The following CAMK1D variants were observed in gnomAD, a reference collection of about 807,000 sequenced individuals.
CAMK1D encodes calcium/calmodulin dependent protein kinase ID.
In CAMK1D, 9 loss-of-function variants were observed where a neutral mutation model predicts 47.7. The ratio of observed to expected loss-of-function variants is 0.19; its 90% CI spans 0.11 to 0.33. CAMK1D has a LOEUF of 0.33. Among genes scored for constraint, CAMK1D ranks in the 10% least tolerant of loss-of-function variants. The probability of loss-of-function intolerance (pLI) is 1.00; values close to 1 mark genes in which losing one functional copy is unlikely to be tolerated. For synonymous variants in CAMK1D, 184 were observed against 184.9 expected (o/e 0.99, Z 0.04); for missense variants, 291 against 488.7 (o/e 0.60, Z 3.81).
chr10:12,353,823 G>A (rs931144874), intron 1 of CAMK1D, among the ~76,000 whole-genome samples: 1 of 152,082 alleles, frequency 6.6e-6, no homozygotes, highest in Non-Finnish European at 1.5e-5. Context: ...ACAAATAAAT[G>A]TTATGTAATG....
intron 1 of CAMK1D, among the ~76,000 whole-genome samples, chr10:12,507,402 G>T (rs868213639): frequency 2.4e-4 from 37 of 152,220 alleles, no homozygotes; most frequent in Middle Eastern, 3.4e-3. Flanking sequence ...CACCCTTTTT[G>T]TTTTTAATTT....
intron 1 of CAMK1D, among the ~76,000 whole-genome samples, chr10:12,507,422 AGATG>A (rs1449901720): frequency 6.6e-6 from 1 of 152,246 alleles, no homozygotes; most frequent in Non-Finnish European, 1.5e-5. Context: ...TCTGTTAATC[AGATG>A]GGGGAGTACG....
At position 12,677,548 on chromosome 10, in the gene CAMK1D, C is replaced by T. The variant is rs576699485; in HGVS notation, c.299+10738C>T. On this transcript the variant is annotated intron_variant, in intron 3 of 10. Transcript: ENST00000619168. ...GCTTTCGTGAGGACAGTGCAGGGCA[C>T]TCTGGGAGGAGACACCTTAAATGGA... is the stretch of plus-strand genomic sequence containing the variant. Among the ~76,000 whole-genome samples, 4 of 152,220 alleles carry T rather than the reference C, an allele frequency of 2.6e-5. No homozygotes were observed. The South Asian group carries it at 8.3e-4, about 32-fold the overall frequency.
chr10:12,445,423 A>G (rs1832897881), intron 1 of CAMK1D, among the ~76,000 whole-genome samples: 1 of 152,210 alleles, frequency 6.6e-6, no homozygotes, highest in Non-Finnish European at 1.5e-5. Context: ...TGGTTCTGCC[A>G]TTTTGTTTTG....
intron 1 of CAMK1D, among the ~76,000 whole-genome samples, chr10:12,448,175 T>C (rs1832977213): frequency 6.6e-6 from 1 of 151,810 alleles, no homozygotes; most frequent in African/African-American, 2.4e-5. Context: ...CTTTTACTTT[T>C]TGTATTTTTA....
intron 3 of CAMK1D, among the ~76,000 whole-genome samples, chr10:12,753,149 G>T (rs371130753): frequency 6.6e-6 from 1 of 152,158 alleles, no homozygotes; most frequent in East Asian, 1.9e-4. Context: ...ATACTCGGGA[G>T]ACTGAGGCAG....
At chr10:12,634,536 G>A (rs1839461888) in intron 2 of CAMK1D, among the ~76,000 whole-genome samples, 1 of 152,098 alleles carries the variant, frequency 6.6e-6, no homozygotes, top group Non-Finnish European at 1.5e-5. Context: ...TTAGTGGTGT[G>A]GGGACTAAGG....
At chr10:12,561,877 G>A (rs1836955158) in intron 2 of CAMK1D, among the ~76,000 whole-genome samples, 1 of 152,194 alleles carries the variant, frequency 6.6e-6, no homozygotes, top group African/African-American at 2.4e-5. Flanking sequence ...AATACAGTTG[G>A]TTATATCCCA....
chr10:12,599,187 C>A (rs1838231516), intron 2 of CAMK1D, among the ~76,000 whole-genome samples: 1 of 152,064 alleles, frequency 6.6e-6, no homozygotes, highest in African/African-American at 2.4e-5. Flanking sequence ...TTACTTGGAG[C>A]AGTCGCTGTG....
intron 3 of CAMK1D, among the ~76,000 whole-genome samples, chr10:12,705,333 C>G (rs1427090749): frequency 1.3e-5 from 2 of 151,926 alleles, no homozygotes; most frequent in African/African-American, 4.8e-5. Context: ...TGATGGTGAA[C>G]TCCTGTAATC....
At chr10:12,631,778 C>G (rs889820281) in intron 2 of CAMK1D, among the ~76,000 whole-genome samples, 1 of 151,348 alleles carries the variant, frequency 6.6e-6, no homozygotes, top group African/African-American at 2.4e-5. Flanking sequence ...GGCTGTCATT[C>G]AGAATTGGGA....
intron 1 of CAMK1D, among the ~76,000 whole-genome samples, chr10:12,455,417 G>A (rs889416197): frequency 2.6e-5 from 4 of 152,098 alleles, no homozygotes; most frequent in Non-Finnish European, 2.9e-5. Flanking sequence ...CAAGCAGTTC[G>A]CCCGCCTTGG....
chr10:12,368,208 A>AAG (rs1307034383), intron 1 of CAMK1D, among the ~76,000 whole-genome samples: 3 of 149,900 alleles, frequency 2.0e-5, no homozygotes, highest in African/African-American at 7.3e-5. Context: ...CAAAAAAAAA[A>AAG]AAAAAATAAA....
At chr10:12,523,622 G>T (rs1286096205) in intron 1 of CAMK1D, among the ~76,000 whole-genome samples, 1 of 152,188 alleles carries the variant, frequency 6.6e-6, no homozygotes, top group African/African-American at 2.4e-5. Context: ...GATCACGCCT[G>T]CAATCGCAGG....
intron 1 of CAMK1D, among the ~76,000 whole-genome samples, chr10:12,458,591 GTTATTA>G (rs891282140): frequency 1.3e-5 from 2 of 151,546 alleles, no homozygotes; most frequent in Non-Finnish European, 2.9e-5. Context: ...TAATTTTATT[GTTATTA>G]TTAATATTTT....
chr10:12,744,752 AAAG>A (rs1356820593), intron 3 of CAMK1D, among the ~76,000 whole-genome samples: 12 of 144,250 alleles, frequency 8.3e-5, no homozygotes, highest in Non-Finnish European at 1.2e-4. Flanking sequence ...AAAAAAAAAA[AAAG>A]CCAGACGTGG....
At chr10:12,387,353 T>TTATATATATAATATATATATTATATA (rs1838529761) in intron 1 of CAMK1D, among the ~76,000 whole-genome samples, 3 of 104,802 alleles carry the variant, frequency 2.9e-5, no homozygotes, top group African/African-American at 9.8e-5. Context: ...TATATTATAT[T>TTATATATATAATATATATATTATATA]TTATATATAT....
intron 5 of CAMK1D, among the ~76,000 whole-genome samples, chr10:12,770,998 C>T (rs1024684314): frequency 1.4e-4 from 21 of 151,984 alleles, no homozygotes; most frequent in Admixed American, 4.6e-4. Context: ...GGCGCAATCC[C>T]GACTCACTGC....
At chr10:12,358,439 G>A (rs961351526) in intron 1 of CAMK1D, among the ~76,000 whole-genome samples, 2 of 152,072 alleles carry the variant, frequency 1.3e-5, no homozygotes, top group African/African-American at 2.4e-5. Flanking sequence ...AGGCTGAGGC[G>A]TGAGAAACGC....
Sources: gnomAD v4.1 joint callset for allele counts (sites outside exome capture counted in the v4.1 genomes callset) on GRCh38, gnomAD v4.1.1 for gene constraint, MANE v1.5 for transcripts, NCBI Gene and HGNC (gene_info 2026-07-23, HGNC 2026-07-21) for gene names.